The following DLG2 variants were observed in gnomAD, a reference collection of about 807,000 sequenced individuals.
DLG2 encodes the protein disks large homolog 2.
DLG2 carries 45 observed loss-of-function variants against 132.5 expected under a neutral mutation model. The observed-to-expected ratio is 0.34, with a 90% CI of 0.27 to 0.44. The LOEUF (loss-of-function observed/expected upper bound fraction) is 0.44, where lower values mean the gene tolerates loss of function less well. Ranked by LOEUF, DLG2 falls within the 20% of genes least tolerant of loss-of-function variation. The probability of loss-of-function intolerance (pLI) is 1.00; values close to 1 mark genes in which losing one functional copy is unlikely to be tolerated. For missense variants in DLG2, 1,045 were observed against 1,196.9 expected (o/e 0.87, Z 1.87); for synonymous variants, 424 against 419.6 (o/e 1.01, Z -0.13).
chr11:84,644,087 C>T (rs1190921231), intron 6 of DLG2, among the ~76,000 whole-genome samples: 3 of 152,086 alleles, frequency 2.0e-5, no homozygotes, highest in Non-Finnish European at 4.4e-5. Flanking sequence ...TTTTTTGCTT[C>T]CCCAATACGT....
intron 18 of DLG2, among the ~76,000 whole-genome samples, chr11:83,760,110 A>G (rs2093835415): frequency 6.6e-6 from 1 of 152,216 alleles, no homozygotes; most frequent in African/African-American, 2.4e-5. Flanking sequence ...AACAAACTCA[A>G]CATCCAAAAG....
chr11:83,762,983 T>C (rs2093977255), intron 18 of DLG2, among the ~76,000 whole-genome samples: 1 of 152,184 alleles, frequency 6.6e-6, no homozygotes, highest in African/African-American at 2.4e-5. Context: ...TGTTTTGTTA[T>C]TTTCTGTTCC....
chr11:85,273,826 C>T (rs1390496060), intron 4 of DLG2, among the ~76,000 whole-genome samples: 7 of 152,134 alleles, frequency 4.6e-5, no homozygotes, highest in African/African-American at 1.2e-4. Flanking sequence ...TGTGGCACTA[C>T]TCACAATATC....
intron 6 of DLG2, among the ~76,000 whole-genome samples, chr11:85,072,608 G>C (rs1011424239): frequency 6.6e-6 from 1 of 151,802 alleles, no homozygotes; most frequent in African/African-American, 2.4e-5. Context: ...CTATAAAACA[G>C]ATTACTTTCA....
intron 6 of DLG2, among the ~76,000 whole-genome samples, chr11:84,845,534 G>A (rs1338053684): frequency 1.4e-4 from 21 of 151,994 alleles, no homozygotes; most frequent in Non-Finnish European, 1.3e-4. Context: ...CAGTGAACAT[G>A]TCTATGTCCT....
intron 9 of DLG2, among the ~76,000 whole-genome samples, chr11:84,131,879 C>T (rs2094436442): frequency 6.6e-6 from 1 of 151,438 alleles, no homozygotes; most frequent in Non-Finnish European, 1.5e-5. Flanking sequence ...AAACTGGATG[C>T]ATTATCATGT....
intron 17 of DLG2, among the ~76,000 whole-genome samples, chr11:83,806,469 T>C (rs7937553): frequency 0.72 from 109,500 of 152,080 alleles, 40,840 homozygotes; most frequent in African/African-American, 0.92. Context: ...AGTGAATATA[T>C]GTGAGTGGAA....
At chr11:84,060,164 T>C (rs1163019172) in intron 10 of DLG2, among the ~76,000 whole-genome samples, 2 of 151,894 alleles carry the variant, frequency 1.3e-5, no homozygotes, top group African/African-American at 4.8e-5. Flanking sequence ...AATACAAAAA[T>C]TAGCTGGGCA....
chr11:83,768,129 C>T (rs1281968996), intron 18 of DLG2, among the ~76,000 whole-genome samples: 1 of 152,110 alleles, frequency 6.6e-6, no homozygotes, highest in African/African-American at 2.4e-5. Flanking sequence ...CCTTCTTAGC[C>T]TTTTTCTTTT....
At chr11:84,062,574 T>A (rs1014451578) in intron 10 of DLG2, among the ~76,000 whole-genome samples, 1 of 152,216 alleles carries the variant, frequency 6.6e-6, no homozygotes, top group South Asian at 2.1e-4. Context: ...TGTTCTTACT[T>A]AAACAATTTA....
chr11:84,772,259 T>C (rs1278470437), intron 6 of DLG2, among the ~76,000 whole-genome samples: 1 of 152,076 alleles, frequency 6.6e-6, no homozygotes, highest in African/African-American at 2.4e-5. Flanking sequence ...ATCCTAAATA[T>C]ATATGCACTC....
At chr11:85,190,120 G>A (rs1032461301) in intron 4 of DLG2, among the ~76,000 whole-genome samples, 2 of 152,132 alleles carry the variant, frequency 1.3e-5, no homozygotes, top group African/African-American at 4.8e-5. Context: ...AAATAGTTCA[G>A]GTACTCAAAT....
chr11:84,152,630 C>T (rs2095328343), intron 9 of DLG2, among the ~76,000 whole-genome samples: 1 of 152,076 alleles, frequency 6.6e-6, no homozygotes, highest in South Asian at 2.1e-4. Context: ...TCGTGATCTG[C>T]CTGTCTCGGC....
intron 10 of DLG2, among the ~76,000 whole-genome samples, chr11:84,082,900 G>A (rs980274865): frequency 6.6e-6 from 1 of 152,178 alleles, no homozygotes; most frequent in African/African-American, 2.4e-5. Context: ...AATAACATGG[G>A]ATAGAAGACA....
chr11:83,485,237 T>C (rs2093427205), intron 21 of DLG2, among the ~76,000 whole-genome samples: 1 of 152,176 alleles, frequency 6.6e-6, no homozygotes, highest in South Asian at 2.1e-4. Flanking sequence ...TTAGAATTTA[T>C]TCATTCAAGT....
intron 3 of DLG2, among the ~76,000 whole-genome samples, chr11:85,555,253 T>C (rs2076876959): frequency 1.3e-5 from 2 of 151,874 alleles, no homozygotes; most frequent in Non-Finnish European, 2.9e-5. Flanking sequence ...TCAGAAGTCA[T>C]AAAATTGACC....
intron 19 of DLG2, among the ~76,000 whole-genome samples, chr11:83,577,607 A>G: frequency 8.5e-6 from 1 of 117,068 alleles, no homozygotes; most frequent in African/African-American, 3.2e-5. Context: ...AATAGGATAT[A>G]TATTATAACA....
At chr11:85,568,730 C>A (rs184680095) in intron 3 of DLG2, among the ~76,000 whole-genome samples, 7 of 151,930 alleles carry the variant, frequency 4.6e-5, no homozygotes, top group African/African-American at 1.7e-4. Context: ...TCTTATAATC[C>A]TTATTTCTGT....
At chr11:85,102,350 C>T (rs890340534) in intron 6 of DLG2, among the ~76,000 whole-genome samples, 2 of 151,902 alleles carry the variant, frequency 1.3e-5, no homozygotes, top group African/African-American at 4.8e-5. Context: ...AATATAAAGT[C>T]TGTGAAAGTA....
Sources: gnomAD v4.1 joint callset for allele counts (sites outside exome capture counted in the v4.1 genomes callset) on GRCh38, gnomAD v4.1.1 for gene constraint, MANE v1.5 for transcripts, NCBI Gene and HGNC (gene_info 2026-07-23, HGNC 2026-07-21) for gene names.